The following SPACA9 variants were observed in gnomAD, a reference collection of about 807,000 sequenced individuals.
The protein encoded by SPACA9 is sperm acrosome associated 9, also known as sperm acrosome-associated protein 9.
Under a neutral mutation model 12.5 loss-of-function variants are expected in SPACA9, and 14 were observed. That is an observed-to-expected ratio of 1.12 (90% confidence interval 0.74 to 1.75). SPACA9 has a LOEUF of 1.75. Ranked by LOEUF, SPACA9 falls within the 40% of genes most tolerant of loss-of-function variation. The probability of loss-of-function intolerance (pLI) is 0.00; values close to 1 mark genes in which losing one functional copy is unlikely to be tolerated. For synonymous variants in SPACA9, 111 were observed against 114.1 expected (o/e 0.97, Z 0.17); for missense variants, 292 against 291.9 (o/e 1.00, Z 0.00).
intron 2 of SPACA9, among the ~76,000 whole-genome samples, chr9:132,884,952 A>G (rs113559195): frequency 6.8e-6 from 1 of 146,216 alleles, no homozygotes; most frequent in African/African-American, 2.5e-5. Context: ...TGTCTCTACT[A>G]AAAATACAAA....
In SPACA9 at chr9:132,887,468, C is replaced by G. The variant is rs753449912; in HGVS notation, c.244C>G (p.His82Asp). The change falls in exon 3 of 4, where the codon CAC (histidine) becomes GAC (aspartate). Residue 82 changes from histidine to aspartate, a missense_variant. His to Asp is a moderately conservative substitution (Grantham distance 81). Transcript: ENST00000356311. The surrounding 1 kb of genome is among the most constrained non-coding windows in gnomAD (Gnocchi z 5.4). ...ICSELNKLCQHFEAVHSGTPV... is the reference protein window; with the variant it reads ...ICSELNKLCQDFEAVHSGTPV... Reference sequence around the variant, plus strand: ...TTCAGAGCTGAATAAGCTCTGCCAGCACTTTGAGGCCGTGCACTCTGGCAC... The same window carrying G: ...TTCAGAGCTGAATAAGCTCTGCCAGGACTTTGAGGCCGTGCACTCTGGCAC... The G allele has an allele frequency of 6.2e-7, 1 of 1,613,922 alleles. No homozygotes were observed. Among genetic ancestry groups the G allele is most frequent in the South Asian group, 1.1e-5 (1 of 91,076 alleles).
chr9:132,885,386 G>A (rs151152557), intron 2 of SPACA9, among the ~76,000 whole-genome samples: 11 of 149,374 alleles, frequency 7.4e-5, no homozygotes, highest in African/African-American at 2.2e-4. Flanking sequence ...GGTGGTACGC[G>A]CCTGTAGTCC....
At chr9:132,878,552 A>G (rs1169061912), upstream of SPACA9, 3 of 1,158,960 alleles carry the variant, frequency 2.6e-6, no homozygotes, top group Non-Finnish European at 2.1e-6. The surrounding 1 kb of genome is among the most constrained non-coding windows in gnomAD (Gnocchi z 4.7). Flanking sequence ...GACGAAACCC[A>G]GAAGGGGCAA....
At chr9:132,883,569 T>G (rs1057476875) in intron 1 of SPACA9, among the ~76,000 whole-genome samples, 1 of 152,078 alleles carries the variant, frequency 6.6e-6, no homozygotes, top group Middle Eastern at 3.2e-3. Context: ...TGCATGTGTG[T>G]GCGTGTGTGT....
intron 2 of SPACA9, among the ~76,000 whole-genome samples, chr9:132,885,686 GA>G: frequency 6.6e-6 from 1 of 152,196 alleles, no homozygotes; most frequent in East Asian, 1.9e-4. Flanking sequence ...GACTTCGGGG[GA>G]AAAAAGAAAA....
intron 1 of SPACA9, among the ~76,000 whole-genome samples, chr9:132,883,291 A>G (rs1844474717): frequency 6.6e-6 from 1 of 152,230 alleles, no homozygotes; most frequent in African/African-American, 2.4e-5. Flanking sequence ...CCCAGCCCAG[A>G]GCAGGCAGAC....
In SPACA9 at chr9:132,889,752, C is replaced by T. The variant is rs901211467; in HGVS notation, c.*1141C>T. 1.4e-5 allele frequency: 18 copies of T among 1,263,782 alleles called. No homozygotes were observed. The Admixed American group carries it at 5.8e-4, about 41-fold the overall frequency. 78.3% of individuals were successfully genotyped at this position (1,263,782 alleles called of 1,614,324 possible). A position where few individuals can be genotyped will look rare whatever the true frequency, so the allele number is the denominator to read the frequency against. Reference sequence around the variant, plus strand: ...TGTGTTTAGTTCTCTGGACCACAGCCAAAGGGGAATAAACTCACCTTTCCT... The same window carrying T: ...TGTGTTTAGTTCTCTGGACCACAGCTAAAGGGGAATAAACTCACCTTTCCT... On this transcript the variant is annotated 3_prime_UTR_variant, in exon 4 of 4. Transcript: ENST00000356311.
intron 2 of SPACA9, among the ~76,000 whole-genome samples, chr9:132,884,420 T>C (rs956267327): frequency 2.0e-5 from 3 of 152,160 alleles, no homozygotes; most frequent in Admixed American, 6.5e-5. Flanking sequence ...GGTTCAGTGG[T>C]CACCCATAGA....
rs779942418 is a variant in SPACA9 at position 132,888,322 on chromosome 9, G to A, written c.380G>A (p.Cys127Tyr). 1 of 1,613,722 alleles carries A rather than the reference G, an allele frequency of 6.2e-7. No individual in the cohort carries two copies. Among genetic ancestry groups the A allele is most frequent in the Admixed American group, 1.7e-5 (1 of 59,994 alleles). Residue 127 changes from cysteine to tyrosine, a missense_variant, in exon 4 of 4, where the codon TGT (cysteine) becomes TAT (tyrosine). Cys to Tyr is a radical substitution (Grantham distance 194). Coordinates refer to ENST00000356311, the MANE Select transcript of SPACA9 (RefSeq NM_001316897.2). The surrounding 1 kb of genome is among the most constrained non-coding windows in gnomAD (Gnocchi z 5.0). ...YPHDVVNHLS[C>Y]DEARNHYGGV... is the part of the protein sequence containing the mutation. Reference sequence around the variant, plus strand: ...CATGATGTGGTGAACCACCTCAGCTGTGACGAGGCCCGGAACCACTACGGC... The same window carrying A: ...CATGATGTGGTGAACCACCTCAGCTATGACGAGGCCCGGAACCACTACGGC...
intron 2 of SPACA9, among the ~76,000 whole-genome samples, chr9:132,884,407 G>T (rs926298675): frequency 4.0e-4 from 61 of 152,172 alleles, no homozygotes; most frequent in African/African-American, 1.5e-3. Flanking sequence ...CATCTGTGAC[G>T]CAGGTTCAGT....
At chr9:132,879,197 A>G (rs1392759561) in intron 1 of SPACA9, among the ~76,000 whole-genome samples, 183 bp downstream of exon 1, 2 of 152,220 alleles carry the variant, frequency 1.3e-5, no homozygotes, top group Non-Finnish European at 2.9e-5. Context: ...TTTAAGTCGT[A>G]TGAATTCCCA....
chr9:132,880,971 C>T (rs1471138098), intron 1 of SPACA9, among the ~76,000 whole-genome samples: 6 of 151,958 alleles, frequency 3.9e-5, no homozygotes, highest in Non-Finnish European at 5.9e-5. Context: ...TACAGGCGCC[C>T]GCCACCGTGC....
chr9:132,888,820 T>G lies in SPACA9; in HGVS notation c.*209T>G, dbSNP rs1588271120. On this transcript the variant is annotated 3_prime_UTR_variant, in exon 4 of 4. Coordinates refer to ENST00000356311, the MANE Select transcript of SPACA9 (RefSeq NM_001316897.2). This position sits in a 1 kb window ranked among gnomAD's most constrained non-coding sequence, Gnocchi z 5.0. ...TCTCGCTCTGTCGCCCAGGCTGGAG[T>G]GCGGTGGCGCAACCTCGGCTCACTG... The G allele has an allele frequency of 1.6e-6, 2 of 1,220,384 alleles. No homozygotes were observed. Among genetic ancestry groups the G allele is most frequent in the Non-Finnish European group, 2.1e-6 (2 of 939,516 alleles). The allele number at this position is 1,220,384 out of a possible 1,614,324, so 75.6% of individuals were successfully genotyped here. A position where few individuals can be genotyped will look rare whatever the true frequency, so the allele number is the denominator to read the frequency against.
At position 132,887,359 on chromosome 9, in the gene SPACA9, G is replaced by A. The variant is rs762696204; in HGVS notation, c.145-10G>A. On this transcript the variant is annotated splice_polypyrimidine_tract_variant and intron_variant, in intron 2 of 3. Coordinates refer to ENST00000356311, the MANE Select transcript of SPACA9 (RefSeq NM_001316897.2). The surrounding 1 kb of genome is among the most constrained non-coding windows in gnomAD (Gnocchi z 5.4). ...CATGTCCCCAGCTCATGTGGCGGCGGCCCTTGCAGGTGCAGAGCTACATGG... is the reference window on the plus strand; with the variant it reads ...CATGTCCCCAGCTCATGTGGCGGCGACCCTTGCAGGTGCAGAGCTACATGG... 1.2e-6 allele frequency: 2 copies of A among 1,608,594 alleles called. No homozygotes were observed. Among genetic ancestry groups the A allele is most frequent in the Middle Eastern group, 1.8e-4 (1 of 5,508 alleles).
In SPACA9 at chr9:132,884,055, C is replaced by T. The variant is rs1331242699; in HGVS notation, c.108C>T (p.Ala36=). The T allele has an allele frequency of 5.6e-6, 9 of 1,614,128 alleles. No individual in the cohort carries two copies. Among genetic ancestry groups the T allele is most frequent in the Non-Finnish European group, 7.6e-6 (9 of 1,180,004 alleles). ...CTCTGGAGCACTGCAGGGAGAACGC[C>T]CACGACAAGATCCGGCCCATCTCCA... is the stretch of plus-strand genomic sequence containing the variant. ...TAALEHCREN[A]HDKIRPISSI... Residue 36 remains alanine (A), a synonymous_variant, in exon 2 of 4, where the codon GCC becomes GCT. Coordinates refer to ENST00000356311, the MANE Select transcript of SPACA9 (RefSeq NM_001316897.2).
At chr9:132,882,114 C>T (rs946923727) in intron 1 of SPACA9, among the ~76,000 whole-genome samples, 2 of 152,196 alleles carry the variant, frequency 1.3e-5, no homozygotes, top group African/African-American at 4.8e-5. Flanking sequence ...CTGCCCTGGC[C>T]CAGGCCCACC....
rs781274156 is a variant in SPACA9, at chr9:132,887,502, C to T, written c.278C>T (p.Thr93Ile). 3 of 1,614,088 alleles carry T rather than the reference C, an allele frequency of 1.9e-6. No homozygotes were observed. Residue 93 changes from threonine (T) to isoleucine (I), a missense_variant, in exon 3 of 4, where the codon ACC (threonine) becomes ATC (isoleucine). Physicochemically the swap from Thr to Ile is moderately conservative, Grantham distance 89. Coordinates refer to ENST00000356311, the MANE Select transcript of SPACA9 (RefSeq NM_001316897.2). This position sits in a 1 kb window ranked among gnomAD's most constrained non-coding sequence, Gnocchi z 5.4. ...GCCGTGCACTCTGGCACCCCAGTCA[C>T]CAACAACCTCCTGGAGAAATGCAAA... ...FEAVHSGTPV[T>I]NNLLEKCKTL... is the part of the protein sequence containing the mutation.
chr9:132,889,315 A>G lies in SPACA9; in HGVS notation c.*704A>G. On this transcript the variant is annotated 3_prime_UTR_variant, in exon 4 of 4. Coordinates refer to ENST00000356311, the MANE Select transcript of SPACA9 (RefSeq NM_001316897.2). ...ACCATCTGCTCCTTGCCCCACCACC[A>G]GCCCCAACTGTAGGCAAGGCACACG... is the stretch of plus-strand genomic sequence containing the variant. 1 of 985,612 alleles carries G rather than the reference A, an allele frequency of 1.0e-6. No individual in the cohort carries two copies. The highest frequency in any genetic ancestry group is 1.2e-6 in the Non-Finnish European group (1 of 830,096). 61.1% of individuals were successfully genotyped at this position (985,612 alleles called of 1,614,324 possible).
chr9:132,887,566 A>G lies in SPACA9; in HGVS notation c.342A>G (p.Arg114=). The change falls in exon 3 of 4, where the codon AGA becomes AGG. Residue 114 remains arginine (R), a synonymous_variant. Coordinates refer to ENST00000356311, the MANE Select transcript of SPACA9 (RefSeq NM_001316897.2). The surrounding 1 kb of genome is among the most constrained non-coding windows in gnomAD (Gnocchi z 5.4). The stretch of plus-strand genomic sequence containing the variant: ...AAAGCAACGACTTAAGCAGCCTCAG[A>G]GCAAAGTAAGTCCCTCTGATGCTGC... ...VSQSNDLSSL[R]AKYPHDVVNH... The G allele has an allele frequency of 2.5e-6, 4 of 1,613,726 alleles. No homozygotes were observed. The highest frequency in any genetic ancestry group is 2.5e-6 in the Non-Finnish European group (3 of 1,179,820).
Sources: allele counts gnomAD v4.1 joint callset (sites outside exome capture counted in the v4.1 genomes callset), GRCh38; gene constraint gnomAD v4.1.1; non-coding constraint Gnocchi (gnomAD v3.1); transcripts MANE v1.5; gene names NCBI Gene and HGNC (gene_info 2026-07-23, HGNC 2026-07-21).